Variants in NELL1 observed in about 807,000 individuals in gnomAD.
The protein encoded by NELL1 is protein kinase C-binding protein NELL1.
A neutral mutation model predicts 107.4 loss-of-function variants in NELL1; 76 were observed. The ratio of observed to expected loss-of-function variants is 0.71; its 90% CI spans 0.59 to 0.86. The LOEUF (loss-of-function observed/expected upper bound fraction) is 0.86. Among genes scored for constraint, NELL1 ranks in the 40% least tolerant of loss-of-function variants. NELL1 has a pLI of 0.00. For synonymous variants in NELL1, 353 were observed against 341.2 expected, an observed-to-expected ratio of 1.03 and a Z score of -0.38; for missense variants, 1,024 against 1,005.5, an observed-to-expected ratio of 1.02 and a Z score of -0.25.
At chr11:21,080,907 ACG>A (rs1854251623) in intron 12 of NELL1, among the ~76,000 whole-genome samples, 1 of 151,976 alleles carries the variant, frequency 6.6e-6, no homozygotes. Context: ...ACACACACAC[ACG>A]CACACACACA....
At chr11:21,527,813 G>A (rs1357273113) in intron 15 of NELL1, among the ~76,000 whole-genome samples, 1 of 152,158 alleles carries the variant, frequency 6.6e-6, no homozygotes, top group African/African-American at 2.4e-5. Flanking sequence ...TCCAGCACAG[G>A]AGAAAGATGG....
intron 16 of NELL1, among the ~76,000 whole-genome samples, chr11:21,538,616 TTG>T (rs1390537054): frequency 6.6e-6 from 1 of 152,166 alleles, no homozygotes; most frequent in African/African-American, 2.4e-5. Flanking sequence ...TGACAGTGAT[TTG>T]TTGGCACTGT....
chr11:20,817,115 CTT>C (rs796091134), intron 3 of NELL1, among the ~76,000 whole-genome samples: 43 of 152,096 alleles, frequency 2.8e-4, no homozygotes, highest in Middle Eastern at 3.4e-3. Flanking sequence ...TTTGTTGTGT[CTT>C]TGCCAGATGT....
rs143025043 is a variant in NELL1, at chr11:20,818,650, T to A, written c.336-28933T>A. On this transcript the variant is annotated intron_variant, in intron 3 of 19. Transcript: ENST00000357134. Reference sequence around the variant, plus strand: ...TGGTAGTAATTACAGTTTTGCTGAGTTGGATATGTTGAGATTGATGTAATT... The same window carrying A: ...TGGTAGTAATTACAGTTTTGCTGAGATGGATATGTTGAGATTGATGTAATT... Among the ~76,000 whole-genome samples, 859 of 152,246 alleles carry A rather than the reference T, an allele frequency of 5.6e-3. 5 individuals are homozygous for A. The highest frequency in any genetic ancestry group is 7.7e-3 in the Non-Finnish European group (521 of 68,012).
At chr11:21,047,058 G>A (rs1432010194) in intron 12 of NELL1, among the ~76,000 whole-genome samples, 1 of 151,946 alleles carries the variant, frequency 6.6e-6, no homozygotes, top group Non-Finnish European at 1.5e-5. Flanking sequence ...TTGTTTTTCA[G>A]ATGATTAGAG....
At chr11:20,920,559 T>A (rs1850355725) in intron 7 of NELL1, among the ~76,000 whole-genome samples, 1 of 152,132 alleles carries the variant, frequency 6.6e-6, no homozygotes. Context: ...GGTGATTATT[T>A]ACCTTCCCAG....
At chr11:21,253,173 A>T (rs1858682779) in intron 14 of NELL1, among the ~76,000 whole-genome samples, 1 of 152,128 alleles carries the variant, frequency 6.6e-6, no homozygotes, top group South Asian at 2.1e-4. Context: ...CCCTGGGGGA[A>T]GGACATACCT....
chr11:21,317,393 A>G (rs1183101287), intron 14 of NELL1, among the ~76,000 whole-genome samples: 1 of 152,162 alleles, frequency 6.6e-6, no homozygotes, highest in African/African-American at 2.4e-5. Context: ...CTTAGGATAT[A>G]TTCATCAAGG....
chr11:21,435,232 G>A (rs1248482811), intron 15 of NELL1, among the ~76,000 whole-genome samples: 2 of 152,088 alleles, frequency 1.3e-5, no homozygotes, highest in South Asian at 2.1e-4. Flanking sequence ...ATAAATAAGA[G>A]TGGTGAAAGT....
chr11:20,956,645 C>CAA (rs541321546), intron 11 of NELL1, among the ~76,000 whole-genome samples: 31 of 89,456 alleles, frequency 3.5e-4, no homozygotes, highest in African/African-American at 7.5e-4. Flanking sequence ...GACTCCATCT[C>CAA]AAAAAAAAAA....
chr11:21,016,784 C>T (rs1226554589), intron 12 of NELL1, among the ~76,000 whole-genome samples: 1 of 152,084 alleles, frequency 6.6e-6, no homozygotes, highest in African/African-American at 2.4e-5. Context: ...AACTTAATAG[C>T]ACCTAAGGTC....
chr11:20,881,154 A>T (rs770491213), intron 4 of NELL1, among the ~76,000 whole-genome samples: 1 of 152,134 alleles, frequency 6.6e-6, no homozygotes. Context: ...CTAGTTAGGA[A>T]TTTTACTTTA....
At chr11:21,425,916 G>C (rs950744983) in intron 15 of NELL1, among the ~76,000 whole-genome samples, 11 of 152,118 alleles carry the variant, frequency 7.2e-5, no homozygotes, top group African/African-American at 2.2e-4. Context: ...CAAGAAACGA[G>C]CAGTATAAGA....
At chr11:21,014,211 G>T (rs1194246282) in intron 12 of NELL1, among the ~76,000 whole-genome samples, 1 of 152,068 alleles carries the variant, frequency 6.6e-6, no homozygotes, top group Non-Finnish European at 1.5e-5. Flanking sequence ...GGGGTGGCCT[G>T]CACTCTTACT....
intron 13 of NELL1, among the ~76,000 whole-genome samples, chr11:21,172,467 T>G (rs181700305): frequency 6.6e-6 from 1 of 151,860 alleles, no homozygotes; most frequent in Non-Finnish European, 1.5e-5. Flanking sequence ...TCCGTGATCA[T>G]GCAGTTGATC....
At chr11:21,185,783 A>C (rs1427010202) in intron 13 of NELL1, among the ~76,000 whole-genome samples, 1 of 151,808 alleles carries the variant, frequency 6.6e-6, no homozygotes, top group Non-Finnish European at 1.5e-5. Context: ...TTTAACCTGC[A>C]CCTTGCTTAC....
At chr11:21,026,548 G>C (rs890968961) in intron 12 of NELL1, among the ~76,000 whole-genome samples, 6 of 152,184 alleles carry the variant, frequency 3.9e-5, no homozygotes, top group Middle Eastern at 3.4e-3. Context: ...ATACTATCCA[G>C]TTTATGAACA....
At chr11:21,449,321 T>A (rs1014543125) in intron 15 of NELL1, among the ~76,000 whole-genome samples, 1 of 152,188 alleles carries the variant, frequency 6.6e-6, no homozygotes, top group African/African-American at 2.4e-5. Flanking sequence ...GCCAATAATG[T>A]TTGACATTCT....
chr11:20,681,783 TACTGAATATTC>T (rs1356387733), intron 2 of NELL1, among the ~76,000 whole-genome samples: 15 of 152,266 alleles, frequency 9.9e-5, no homozygotes, highest in South Asian at 8.3e-4. Context: ...CTGGAAGCTC[TACTGAATATTC>T]ATTCAGTTCA....
Sources: gnomAD v4.1 joint callset for allele counts (sites outside exome capture counted in the v4.1 genomes callset) on GRCh38, gnomAD v4.1.1 for gene constraint, MANE v1.5 for transcripts, NCBI Gene and HGNC (gene_info 2026-07-23, HGNC 2026-07-21) for gene names.